EFHC1: variants seen among roughly 807,000 people sequenced by gnomAD.
EFHC1 encodes the protein EF-hand domain-containing protein 1.
A neutral mutation model predicts 69.9 loss-of-function variants in EFHC1; 53 were observed. That is an observed-to-expected ratio of 0.76 (90% CI 0.61 to 0.95). EFHC1 has a LOEUF of 0.95. Among genes scored for constraint, EFHC1 ranks in the 40% least tolerant of loss-of-function variants. The pLI is 0.00. For synonymous variants in EFHC1, 256 were observed against 278.4 expected (o/e 0.92, Z 0.80); for missense variants, 739 against 798.7 (o/e 0.93, Z 0.90).
intron 4 of EFHC1, chr6:52,453,510 G>A (rs1764965000): frequency 1.6e-6 from 2 of 1,286,068 alleles, no homozygotes; most frequent in African/African-American, 3.1e-5. Flanking sequence ...TTCAGAAAAT[G>A]TAAACTAGCA....
intron 7 of EFHC1, among the ~76,000 whole-genome samples, chr6:52,478,152 A>C (rs1169355746): frequency 1.3e-5 from 2 of 152,160 alleles, no homozygotes; most frequent in Non-Finnish European, 2.9e-5. Flanking sequence ...GGAAATCATC[A>C]TTCTCAGTAA....
intron 3 of EFHC1, among the ~76,000 whole-genome samples, chr6:52,448,638 C>T (rs546940178): frequency 1.3e-5 from 2 of 152,326 alleles, no homozygotes; most frequent in Admixed American, 6.5e-5. Flanking sequence ...CTGCGTTGCT[C>T]ATGCTGGGAG....
In EFHC1 at chr6:52,495,823, G is replaced by A. The variant is rs1766043939; in HGVS notation, c.*3482G>A. The A allele has an allele frequency of 2.8e-6, 1 of 351,242 alleles. No homozygotes were observed. The highest frequency in any genetic ancestry group is 5.6e-6 in the Non-Finnish European group (1 of 179,100). The allele number at this position is 351,242 out of a possible 1,614,324, so 21.8% of individuals were successfully genotyped here. A position where few individuals can be genotyped will look rare whatever the true frequency, so the allele number is the denominator to read the frequency against. ...CTTCTTGCCTTGCATCTCCTTTTAA[G>A]TTTACTTAAGACTGAGAAGCTGAGA... On this transcript the variant is annotated 3_prime_UTR_variant, in exon 11 of 11. Coordinates refer to ENST00000371068, the MANE Select transcript of EFHC1 (RefSeq NM_018100.4).
chr6:52,459,593 T>C (rs1328933904), intron 5 of EFHC1, among the ~76,000 whole-genome samples: 1 of 152,254 alleles, frequency 6.6e-6, no homozygotes, highest in African/African-American at 2.4e-5. Flanking sequence ...AGCTGAAAAT[T>C]TCACACACTG....
chr6:52,493,250 T>C lies in EFHC1; in HGVS notation c.*909T>C, dbSNP rs564333040. On this transcript the variant is annotated 3_prime_UTR_variant, in exon 11 of 11. Transcript: ENST00000371068. ...GGCCTTTGGATTCAGACTGGAATTA[T>C]ACCTTTAGCTCTCCTGGGTCTCCAG... The C allele has an allele frequency of 6.6e-6, 3 of 453,282 alleles. No individual in the cohort carries two copies. The highest frequency in any genetic ancestry group is 2.0e-5 in the African/African-American group (1 of 49,784). The allele number at this position is 453,282 out of a possible 1,614,324, so 28.1% of individuals were successfully genotyped here. A position where few individuals can be genotyped will look rare whatever the true frequency, so the allele number is the denominator to read the frequency against.
At chr6:52,470,029 A>G (rs997976786) in intron 7 of EFHC1, among the ~76,000 whole-genome samples, 9 of 152,156 alleles carry the variant, frequency 5.9e-5, no homozygotes, top group African/African-American at 1.9e-4. Context: ...GGTCTTTAAA[A>G]TGGAAAAAAA....
At chr6:52,435,309 A>T (rs143538447) in intron 2 of EFHC1, among the ~76,000 whole-genome samples, 1 of 152,170 alleles carries the variant, frequency 6.6e-6, no homozygotes, top group South Asian at 2.1e-4. Context: ...TAGTAATTCT[A>T]TGCTTTCAGT....
At chr6:52,445,667 G>T (rs1764767803) in intron 3 of EFHC1, among the ~76,000 whole-genome samples, 1 of 152,118 alleles carries the variant, frequency 6.6e-6, no homozygotes, top group South Asian at 2.1e-4. Flanking sequence ...GTCAATTTTA[G>T]ATCTTACCTG....
intron 8 of EFHC1, 64 bp downstream of exon 8, chr6:52,479,314 A>T: frequency 6.4e-7 from 1 of 1,554,700 alleles, no homozygotes; most frequent in Admixed American, 1.7e-5. Context: ...ATTGGAATTT[A>T]ATTCATTTAA....
chr6:52,470,847 G>T (rs1001486913), intron 7 of EFHC1, among the ~76,000 whole-genome samples: 3 of 152,216 alleles, frequency 2.0e-5, no homozygotes, highest in Non-Finnish European at 4.4e-5. Context: ...GAGGAGAAAA[G>T]ATAAATTTCT....
At chr6:52,461,642 C>T (rs753735402) in intron 5 of EFHC1, among the ~76,000 whole-genome samples, 1 of 152,100 alleles carries the variant, frequency 6.6e-6, no homozygotes, top group Non-Finnish European at 1.5e-5. Flanking sequence ...GAGGAATCAC[C>T]ACACTGCTTT....
In EFHC1 at chr6:52,438,370, C is replaced by T. The variant is rs764096785; in HGVS notation, c.352C>T (p.Arg118Cys). 1.5e-5 allele frequency: 24 copies of T among 1,613,668 alleles called. No individual in the cohort carries two copies. Among genetic ancestry groups the T allele is most frequent in the East Asian group, 6.7e-5 (3 of 44,882 alleles). Residue 118 changes from arginine to cysteine, a missense_variant, in exon 3 of 11, where the codon CGT becomes TGT. Transcript: ENST00000371068. The part of the protein sequence containing the change: ...PMSTEEQYRI[R>C]QVNIYYYLED... ...GTCAACTGAGGAACAGTATAGGATC[C>T]GTCAGGTGAACATTTACTATTATCT... is the stretch of plus-strand genomic sequence containing the variant.
Position 52,465,059 on chromosome 6 carries a change from A to G in EFHC1, c.1081A>G (p.Ile361Val), listed in dbSNP as rs2114007689. Residue 361 changes from isoleucine (I) to valine (V), a missense_variant, in exon 6 of 11, where the codon ATC becomes GTC. Coordinates refer to ENST00000371068, the MANE Select transcript of EFHC1 (RefSeq NM_018100.4). ...ACGGTATTACAAAGAGAAGTTTGGA[A>G]TCACTGATTTACCACGTATTGATGT... is the stretch of plus-strand genomic sequence containing the variant. ...TRRYYKEKFG[I>V]TDLPRIDVSK... 3.7e-6 allele frequency: 6 copies of G among 1,614,168 alleles called. No individual in the cohort carries two copies. The highest frequency in any genetic ancestry group is 5.1e-6 in the Non-Finnish European group (6 of 1,180,040).
intron 9 of EFHC1, chr6:52,488,383 C>T (rs916932894): frequency 2.0e-5 from 3 of 152,224 alleles, no homozygotes; most frequent in Admixed American, 2.0e-4. Flanking sequence ...AAAAGTAACA[C>T]ATGACCAGAA....
At chr6:52,477,271 T>C (rs559855728) in intron 7 of EFHC1, among the ~76,000 whole-genome samples, 2 of 152,296 alleles carry the variant, frequency 1.3e-5, no homozygotes, top group East Asian at 3.9e-4. Flanking sequence ...ACAATCCAAA[T>C]GATTTGGAGA....
intron 2 of EFHC1, chr6:52,430,470 T>C (rs1228618271): frequency 6.6e-6 from 1 of 152,206 alleles, no homozygotes; most frequent in Non-Finnish European, 1.5e-5. Flanking sequence ...GATGATCGTG[T>C]GATTTTTGTT....
intron 9 of EFHC1, among the ~76,000 whole-genome samples, chr6:52,480,974 G>C (rs1342988280): frequency 6.6e-6 from 1 of 152,210 alleles, no homozygotes; most frequent in Non-Finnish European, 1.5e-5. Flanking sequence ...CATCTGAATA[G>C]AGGAGTAGCA....
chr6:52,494,854 A>T lies in EFHC1; in HGVS notation c.*2513A>T, dbSNP rs748266816. 2.4e-5 allele frequency: 11 copies of T among 451,902 alleles called. No individual in the cohort carries two copies. Among genetic ancestry groups the T allele is most frequent in the Non-Finnish European group, 3.1e-5 (7 of 225,158 alleles). 28.0% of individuals were successfully genotyped at this position (451,902 alleles called of 1,614,324 possible). On this transcript the variant is annotated 3_prime_UTR_variant, in exon 11 of 11. Coordinates refer to ENST00000371068, the MANE Select transcript of EFHC1 (RefSeq NM_018100.4). The stretch of plus-strand genomic sequence containing the variant: ...AGGATAATGGCCTCCAGCTGCATCC[A>T]TGTTGCTGCAGAATACATGATTTCA...
intron 7 of EFHC1, among the ~76,000 whole-genome samples, chr6:52,471,293 T>C (rs1393882575): frequency 6.6e-6 from 1 of 152,226 alleles, no homozygotes; most frequent in South Asian, 2.1e-4. Flanking sequence ...CTTTGAATTA[T>C]CATAGTCCCT....
Sources: allele counts gnomAD v4.1 joint callset (sites outside exome capture counted in the v4.1 genomes callset), GRCh38; gene constraint gnomAD v4.1.1; transcripts MANE v1.5; gene names NCBI Gene and HGNC (gene_info 2026-07-23, HGNC 2026-07-21).